Variants in CDH12 observed in about 807,000 individuals in gnomAD.
The protein encoded by CDH12 is cadherin-12.
CDH12 carries 41 observed loss-of-function variants against 74.1 expected under a neutral mutation model. The observed-to-expected ratio is 0.55, with a 90% CI of 0.43 to 0.72. The LOEUF (loss-of-function observed/expected upper bound fraction) is 0.72, where lower values mean the gene tolerates loss of function less well. Among genes scored for constraint, CDH12 ranks in the 30% least tolerant of loss-of-function variants. The pLI, the probability that CDH12 is intolerant of heterozygous loss-of-function variation, is 0.00. For synonymous variants in CDH12, 399 were observed against 355.0 expected (o/e 1.12, Z -1.39); for missense variants, 945 against 977.2 (o/e 0.97, Z 0.44).
chr5:22,366,772 T>C (rs1346301972), intron 3 of CDH12, among the ~76,000 whole-genome samples: 2 of 152,174 alleles, frequency 1.3e-5, no homozygotes, highest in African/African-American at 4.8e-5. Context: ...TTAGATAGAG[T>C]ATATTCATTT....
intron 1 of CDH12, among the ~76,000 whole-genome samples, chr5:22,652,633 T>C (rs1739801737): frequency 6.6e-6 from 1 of 152,208 alleles, no homozygotes; most frequent in African/African-American, 2.4e-5. Context: ...TTTTAGACTT[T>C]ATATGTCAAT....
At chr5:21,766,260 CAT>C (rs1367971501) in intron 11 of CDH12, among the ~76,000 whole-genome samples, 1 of 151,994 alleles carries the variant, frequency 6.6e-6, no homozygotes. Flanking sequence ...CTGATATTCA[CAT>C]ATGACAGTGA....
intron 6 of CDH12, among the ~76,000 whole-genome samples, chr5:21,904,789 A>G (rs1258503610): frequency 6.6e-6 from 1 of 151,944 alleles, no homozygotes; most frequent in African/African-American, 2.4e-5. Flanking sequence ...AAAACAAACA[A>G]ACAAACAAAA....
At chr5:22,693,384 G>A (rs1170176986) in intron 1 of CDH12, among the ~76,000 whole-genome samples, 3 of 152,102 alleles carry the variant, frequency 2.0e-5, no homozygotes, top group African/African-American at 7.2e-5. Context: ...TGGCGGGGGT[G>A]TGGACAGGGA....
At chr5:22,348,523 T>C (rs1378648896) in intron 3 of CDH12, among the ~76,000 whole-genome samples, 3 of 152,324 alleles carry the variant, frequency 2.0e-5, no homozygotes, top group East Asian at 3.9e-4. Context: ...GTGAACAGAC[T>C]GGAAAAATCA....
intron 5 of CDH12, among the ~76,000 whole-genome samples, chr5:22,004,585 T>C (rs915533066): frequency 7.2e-5 from 11 of 152,198 alleles, no homozygotes; most frequent in African/African-American, 2.7e-4. Context: ...GCATGGCTAA[T>C]TCTCACTTCT....
At chr5:22,105,329 G>A (rs890607276) in intron 4 of CDH12, among the ~76,000 whole-genome samples, 15 of 150,838 alleles carry the variant, frequency 9.9e-5, no homozygotes, top group Admixed American at 9.9e-4. Flanking sequence ...TCCTGACCTC[G>A]TGATCCGCCC....
chr5:22,192,276 G>T (rs984941704), intron 4 of CDH12, among the ~76,000 whole-genome samples: 1 of 152,132 alleles, frequency 6.6e-6, no homozygotes, highest in Non-Finnish European at 1.5e-5. Flanking sequence ...GGTCTTTGAA[G>T]ATATACACAT....
chr5:22,213,402 G>C (rs1050549771), intron 3 of CDH12, among the ~76,000 whole-genome samples: 37 of 151,808 alleles, frequency 2.4e-4, no homozygotes, highest in African/African-American at 8.5e-4. Context: ...CCCTTAACCA[G>C]AGTAATGTAG....
chr5:22,671,255 C>CTG (rs546795898), intron 1 of CDH12, among the ~76,000 whole-genome samples: 2 of 151,702 alleles, frequency 1.3e-5, no homozygotes, highest in African/African-American at 2.4e-5. Context: ...TCTCTTTGCT[C>CTG]TGTGTGTGTG....
intron 4 of CDH12, among the ~76,000 whole-genome samples, chr5:22,176,211 A>G (rs1397326211): frequency 6.6e-6 from 1 of 151,992 alleles, no homozygotes; most frequent in Non-Finnish European, 1.5e-5. Flanking sequence ...GTATATCTGA[A>G]TGCAGTGGCA....
At position 22,704,725 on chromosome 5, in the gene CDH12, C is replaced by T. The variant is rs374356593; in HGVS notation, c.-523+148333G>A. Among the ~76,000 whole-genome samples the T allele has an allele frequency of 1.6e-4, 24 of 152,104 alleles. No homozygotes were observed. In the East Asian group the frequency reaches 1.7e-3, roughly 11 times the overall value. ...TAAGATTATCTACATCTATTATGTT[C>T]TTTAGAGAACTATAAACCTCAATTT... On this transcript the variant is annotated intron_variant, in intron 1 of 14. Transcript: ENST00000382254.
At chr5:21,967,833 C>T (rs528500314) in intron 6 of CDH12, among the ~76,000 whole-genome samples, 5 of 152,200 alleles carry the variant, frequency 3.3e-5, no homozygotes, top group Non-Finnish European at 7.3e-5. Context: ...TCCTGCCAAA[C>T]TGCGTGCAGT....
At chr5:21,847,310 T>G (rs6452006) in intron 7 of CDH12, among the ~76,000 whole-genome samples, 97,158 of 151,956 alleles carry the variant, frequency 0.64, 34,984 homozygotes, top group East Asian at 0.79. Flanking sequence ...CATAGGACTG[T>G]GTTAGCCATT....
At chr5:22,432,014 T>A (rs1321616967) in intron 2 of CDH12, among the ~76,000 whole-genome samples, 1 of 152,150 alleles carries the variant, frequency 6.6e-6, no homozygotes, top group Non-Finnish European at 1.5e-5. Flanking sequence ...GCGTTCAAAT[T>A]CACTCACCCT....
Position 21,817,039 on chromosome 5 carries a change from T to G in CDH12, c.908A>C (p.Glu303Ala). The G allele has an allele frequency of 6.2e-7, 1 of 1,613,056 alleles. No individual in the cohort carries two copies. Among genetic ancestry groups the G allele is most frequent in the Non-Finnish European group, 8.5e-7 (1 of 1,179,290 alleles). Residue 303 changes from glutamate (E) to alanine (A), a missense_variant, in exon 9 of 15, where the codon GAA (glutamate) becomes GCA (alanine). This residue lies in a region of CDH12 where 791 missense variants were observed against 792.8 expected (regional missense o/e 1.00). Coordinates refer to ENST00000382254, the MANE Select transcript of CDH12 (RefSeq NM_004061.5). ...AVDPDFGQNA[E>A]IEYNIVPGDG... ...TCCTGGAACAATATTGTATTCAATTTCTGCATTTTGTCCAAAATCAGGATC... is the reference window on the plus strand; with the variant it reads ...TCCTGGAACAATATTGTATTCAATTGCTGCATTTTGTCCAAAATCAGGATC...
intron 3 of CDH12, among the ~76,000 whole-genome samples, chr5:22,234,706 G>T (rs1163600586): frequency 6.6e-6 from 1 of 150,770 alleles, no homozygotes; most frequent in Non-Finnish European, 1.5e-5. Context: ...ATTTATGTAT[G>T]TATGTGTGTG....
chr5:22,067,467 C>T (rs940394192), intron 5 of CDH12, among the ~76,000 whole-genome samples: 8 of 152,122 alleles, frequency 5.3e-5, no homozygotes, highest in Non-Finnish European at 8.8e-5. Context: ...ATTACTCTGG[C>T]CCATTGACTG....
chr5:22,076,978 A>G (rs980182086), intron 5 of CDH12, among the ~76,000 whole-genome samples: 1 of 151,924 alleles, frequency 6.6e-6, no homozygotes, highest in Non-Finnish European at 1.5e-5. Context: ...GCCCCGTGCC[A>G]CTTGAACAGC....
Sources: allele counts gnomAD v4.1 joint callset (sites outside exome capture counted in the v4.1 genomes callset), GRCh38; gene constraint gnomAD v4.1.1; regional missense constraint gnomAD v4.1.1; transcripts MANE v1.5; gene names NCBI Gene and HGNC (gene_info 2026-07-23, HGNC 2026-07-21).